TASOR: variants seen among roughly 807,000 people sequenced by gnomAD.
TASOR encodes protein TASOR.
A neutral mutation model predicts 178.6 loss-of-function variants in TASOR; 53 were observed. That is an observed-to-expected ratio of 0.30 (90% CI 0.24 to 0.37). The LOEUF (loss-of-function observed/expected upper bound fraction) is 0.37. Ranked by LOEUF, TASOR falls within the 10% of genes least tolerant of loss-of-function variation. The probability of loss-of-function intolerance (pLI) is 1.00; values close to 1 mark genes in which losing one functional copy is unlikely to be tolerated. For synonymous variants in TASOR, 713 were observed against 696.2 expected, an observed-to-expected ratio of 1.02 and a Z score of -0.38; for missense variants, 1,815 against 1,971.4, an observed-to-expected ratio of 0.92 and a Z score of 1.50.
intron 14 of TASOR, among the ~76,000 whole-genome samples, chr3:56,643,734 G>A (rs9834239): frequency 0.18 from 25,743 of 144,564 alleles, 2,884 homozygotes; most frequent in South Asian, 0.42. Flanking sequence ...CAGCCTGGGC[G>A]ACAGAGCGAG....
chr3:56,624,471 A>T lies in TASOR; in HGVS notation c.4483+8T>A. 1 of 1,609,694 alleles carries T rather than the reference A, an allele frequency of 6.2e-7. No individual in the cohort carries two copies. Among genetic ancestry groups the T allele is most frequent in the Non-Finnish European group, 8.5e-7 (1 of 1,178,394 alleles). On this transcript the variant is annotated splice_region_variant and intron_variant, in intron 23 of 23. Transcript: ENST00000683822. The stretch of plus-strand genomic sequence containing the variant: ...CGTTAAAGAAAATGAAAACCACTGA[A>T]AAGTTACCTGACTGCGACTCAAGAT...
chr3:56,668,702 G>A (rs1390778134), intron 5 of TASOR, 144 bp from the exon 6 acceptor site: 7 of 656,248 alleles, frequency 1.1e-5, no homozygotes, highest in East Asian at 6.0e-5. Context: ...AGCTGGGCGC[G>A]GTGACTCAGG....
In TASOR at chr3:56,631,093, C is replaced by G. The variant is rs933683909; in HGVS notation, c.3747+1951G>C. 1.1e-4 allele frequency among the ~76,000 whole-genome samples: 17 copies of G among 152,194 alleles called. No homozygotes were observed. In the East Asian group the frequency reaches 1.4e-3, roughly 12 times the overall value. On this transcript the variant is annotated intron_variant, in intron 18 of 23. Transcript: ENST00000683822. ...GCTGGTGGGGAAAAGTTGAGAAACT[C>G]TACATTCAGTCATGTAGGGCAAAAA...
chr3:56,662,549 G>T, intron 8 of TASOR, 59 bp from the exon 9 acceptor site: 2 of 763,458 alleles, frequency 2.6e-6, no homozygotes, highest in Non-Finnish European at 4.1e-6. Context: ...AGAAGTGAGT[G>T]CACATTTATT....
At chr3:56,646,126 G>C (rs2077232928) in intron 14 of TASOR, among the ~76,000 whole-genome samples, 1 of 152,066 alleles carries the variant, frequency 6.6e-6, no homozygotes. Context: ...CCAGCCTTGG[G>C]GAGACATCAA....
chr3:56,629,446 C>CT (rs1473701711), intron 18 of TASOR, among the ~76,000 whole-genome samples: 1 of 152,196 alleles, frequency 6.6e-6, no homozygotes, highest in Non-Finnish European at 1.5e-5. Context: ...GAGTTAAGAA[C>CT]TTTCACAACC....
intron 1 of TASOR, 114 bp downstream of exon 1, chr3:56,682,562 C>T: frequency 1.0e-6 from 1 of 988,316 alleles, no homozygotes; most frequent in Non-Finnish European, 1.4e-6. Flanking sequence ...AGGCGGCCGG[C>T]GCTGCATGCG....
chr3:56,621,406 AT>A lies in TASOR; in HGVS notation c.*1630del. 1 of 595,954 alleles carries A rather than the reference AT, an allele frequency of 1.7e-6. No homozygotes were observed. The highest frequency in any genetic ancestry group is 2.9e-6 in the Non-Finnish European group (1 of 348,192). The allele number at this position is 595,954 out of a possible 1,614,324, so 36.9% of individuals were successfully genotyped here. A position where few individuals can be genotyped will look rare whatever the true frequency, so the allele number is the denominator to read the frequency against. On this transcript the variant is annotated 3_prime_UTR_variant, in exon 24 of 24. Coordinates refer to ENST00000683822, the MANE Select transcript of TASOR (RefSeq NM_001365635.2). ...GTCTAGTACAAGCATTTCTGAAAAAATTTTTGAATGACAAAATTTTATCCTA... is the reference window on the plus strand; with the variant it reads ...GTCTAGTACAAGCATTTCTGAAAAAATTTTGAATGACAAAATTTTATCCTA...
intron 17 of TASOR, among the ~76,000 whole-genome samples, chr3:56,635,439 G>A (rs532129495): frequency 2.0e-5 from 3 of 152,270 alleles, no homozygotes; most frequent in East Asian, 3.9e-4. Context: ...TAAAGTGTCT[G>A]GAAGGATACA....
chr3:56,631,676 C>T (rs1160263191), intron 18 of TASOR, among the ~76,000 whole-genome samples: 3 of 151,424 alleles, frequency 2.0e-5, no homozygotes, highest in South Asian at 4.2e-4. Flanking sequence ...CTCCGCCTCC[C>T]GGATTCACCC....
In TASOR at chr3:56,623,438, C is replaced by G. The variant is rs1335334195; in HGVS notation, c.4612G>C (p.Gly1538Arg). The G allele has an allele frequency of 1.2e-6, 2 of 1,613,602 alleles. No homozygotes were observed. The highest frequency in any genetic ancestry group is 2.2e-5 in the South Asian group (2 of 91,064). The part of the protein sequence containing the change: ...IWEKETKGSR[G>R]TDQKKNTQIE... ...TGAGTATTCTTTTTTTGATCTGTTC[C>G]ACGTGATCCTTTGGTCTCTTTCTCC... The change falls in exon 24 of 24, where the codon GGA becomes CGA. Residue 1538 changes from glycine (G) to arginine (R), a missense_variant. Gly to Arg is a moderately radical substitution (Grantham distance 125). This residue lies in a region of TASOR where 278 missense variants were observed against 257.1 expected (regional missense o/e 1.08). Coordinates refer to ENST00000683822, the MANE Select transcript of TASOR (RefSeq NM_001365635.2).
chr3:56,631,590 T>TTG (rs10662343), intron 18 of TASOR, among the ~76,000 whole-genome samples: 47,221 of 147,328 alleles, frequency 0.32, 8,108 homozygotes, highest in East Asian at 0.49. Context: ...TTTTGTTTTT[T>TTG]TTTTTTTTTT....
chr3:56,659,266 A>C (rs1176244618), intron 11 of TASOR, among the ~76,000 whole-genome samples: 1 of 152,224 alleles, frequency 6.6e-6, no homozygotes, highest in Non-Finnish European at 1.5e-5. Context: ...AACTGTTGTA[A>C]AACTTGTATT....
At chr3:56,636,691 G>A (rs914925832) in intron 17 of TASOR, among the ~76,000 whole-genome samples, 6 of 151,546 alleles carry the variant, frequency 4.0e-5, no homozygotes, top group East Asian at 3.9e-4. Flanking sequence ...ATGAGACACC[G>A]TGCTTTTTTA....
chr3:56,682,311 T>C (rs2031864856), intron 1 of TASOR, among the ~76,000 whole-genome samples: 1 of 152,178 alleles, frequency 6.6e-6, no homozygotes, highest in Non-Finnish European at 1.5e-5. Flanking sequence ...CCACGGGCTA[T>C]TTCCATAGCG....
Position 56,646,646 on chromosome 3 carries a change from C to G in TASOR, c.2091G>C (p.Gly697=). ...LIQCRKKSVG[G]DSDTEDMRSK... is the part of the protein sequence containing the mutation. ...TTCTCATATCTTCTGTGTCTGAGTC[C>G]CCACCCACACTCTTTTTCCTACACT... Residue 697 remains glycine, a synonymous_variant, in exon 14 of 24, where the codon GGG becomes GGC. Transcript: ENST00000683822. The G allele has an allele frequency of 6.2e-7, 1 of 1,613,420 alleles. No homozygotes were observed. Among genetic ancestry groups the G allele is most frequent in the Middle Eastern group, 1.6e-4 (1 of 6,062 alleles).
rs781429330 is a variant in TASOR at position 56,624,922 on chromosome 3, A to G, written c.4224T>C (p.Asn1408=). 5.6e-6 allele frequency: 9 copies of G among 1,614,178 alleles called. No homozygotes were observed. The South Asian group carries it at 7.7e-5, about 14-fold the overall frequency. Residue 1408 remains asparagine, a synonymous_variant, in exon 22 of 24, where the codon AAT becomes AAC. Transcript: ENST00000683822. ...KHLVEILSYH[N]CDSQTRNAPE... is the part of the protein sequence containing the mutation. ...GAGCATTTCGAGTTTGTGAATCACA[A>G]TTGTGGTATGACAAAATTTCAACCA... is the stretch of plus-strand genomic sequence containing the variant.
At position 56,633,316 on chromosome 3, in the gene TASOR, C is replaced by T. The variant is rs764053723; in HGVS notation, c.3475G>A (p.Val1159Ile). ...GCATGTTGAGGCTGGTTCATTTCTA[C>T]TTCAGTTAAAGCCGAAGTGGAATGC... ...EQHSTSALTE[V>I]EMNQPQHATE... The change falls in exon 18 of 24, where the codon GTA becomes ATA. Residue 1159 changes from valine (V) to isoleucine (I), a missense_variant. Val to Ile is a conservative substitution (Grantham distance 29). This residue lies in a region of TASOR where 655 missense variants were observed against 671.1 expected (regional missense o/e 0.98). Transcript: ENST00000683822. 2 of 1,614,070 alleles carry T rather than the reference C, an allele frequency of 1.2e-6. No individual in the cohort carries two copies. The highest frequency in any genetic ancestry group is 4.5e-5 in the East Asian group (2 of 44,896).
intron 11 of TASOR, among the ~76,000 whole-genome samples, chr3:56,650,018 T>C (rs1417540535): frequency 6.6e-6 from 1 of 152,192 alleles, no homozygotes; most frequent in African/African-American, 2.4e-5. Context: ...AGCTACTGTT[T>C]CCTTAAAACA....
Sources: gnomAD v4.1 joint callset for allele counts (sites outside exome capture counted in the v4.1 genomes callset) on GRCh38, gnomAD v4.1.1 for gene constraint, gnomAD v4.1.1 regional missense constraint, MANE v1.5 for transcripts, NCBI Gene and HGNC (gene_info 2026-07-23, HGNC 2026-07-21) for gene names.